GLRA3: variants seen among roughly 807,000 people sequenced by gnomAD.
The protein encoded by GLRA3 is glycine receptor alpha 3.
GLRA3 carries 44 observed loss-of-function variants against 60.4 expected under a neutral mutation model. That is an observed-to-expected ratio of 0.73 (90% CI 0.57 to 0.94). GLRA3 has a LOEUF of 0.94. GLRA3 is among the 40% of genes least tolerant of loss of function. The probability of loss-of-function intolerance (pLI) is 0.00; values close to 1 mark genes in which losing one functional copy is unlikely to be tolerated. For missense variants in GLRA3, 508 were observed against 564.6 expected, an observed-to-expected ratio of 0.90 and a Z score of 1.02; for synonymous variants, 223 against 192.9, an observed-to-expected ratio of 1.16 and a Z score of -1.29.
At chr4:174,646,883 T>G (rs921327864) in intron 9 of GLRA3, among the ~76,000 whole-genome samples, 14 of 152,172 alleles carry the variant, frequency 9.2e-5, no homozygotes, top group African/African-American at 2.7e-4. Flanking sequence ...TCAGATCCTT[T>G]GAGACTCAAT....
At chr4:174,732,578 G>C (rs928227327) in intron 3 of GLRA3, among the ~76,000 whole-genome samples, 7 of 151,968 alleles carry the variant, frequency 4.6e-5, no homozygotes, top group African/African-American at 1.7e-4. Flanking sequence ...TCCATTGGCA[G>C]AAAAATGCGT....
intron 5 of GLRA3, among the ~76,000 whole-genome samples, chr4:174,702,537 G>T (rs1413366912): frequency 6.6e-6 from 1 of 151,576 alleles, no homozygotes; most frequent in East Asian, 1.9e-4. Flanking sequence ...GATACTATTG[G>T]TGAGTTAGAA....
At chr4:174,707,218 G>A (rs1393677969) in intron 5 of GLRA3, among the ~76,000 whole-genome samples, 4 of 152,144 alleles carry the variant, frequency 2.6e-5, no homozygotes, top group Non-Finnish European at 5.9e-5. Context: ...TTTCAGTCCT[G>A]TCCTTCTGGG....
At chr4:174,721,502 A>G (rs1736127751) in intron 4 of GLRA3, among the ~76,000 whole-genome samples, 1 of 151,432 alleles carries the variant, frequency 6.6e-6, no homozygotes, top group Non-Finnish European at 1.5e-5. Flanking sequence ...ACAAGTAATA[A>G]TTATGTTACA....
At chr4:174,687,858 A>C (rs1403722978) in intron 5 of GLRA3, among the ~76,000 whole-genome samples, 7 of 152,190 alleles carry the variant, frequency 4.6e-5, no homozygotes. Context: ...GCATACATGA[A>C]AGACCCATTC....
intron 5 of GLRA3, among the ~76,000 whole-genome samples, chr4:174,698,968 G>A (rs1337403304): frequency 1.3e-5 from 2 of 151,130 alleles, no homozygotes; most frequent in Non-Finnish European, 2.9e-5. Context: ...AAGCCACATT[G>A]TTCCTCTCAG....
intron 1 of GLRA3, among the ~76,000 whole-genome samples, chr4:174,801,866 T>C (rs922779961): frequency 5.9e-5 from 9 of 152,166 alleles, no homozygotes; most frequent in Non-Finnish European, 1.3e-4. Flanking sequence ...GTAGCACTTG[T>C]TGCAATTGTA....
At position 174,683,770 on chromosome 4, in the gene GLRA3, T is replaced by G. The variant is rs149266085; in HGVS notation, c.575-831A>C. On this transcript the variant is annotated intron_variant, in intron 5 of 9. Coordinates refer to ENST00000274093, the MANE Select transcript of GLRA3 (RefSeq NM_006529.4). ...GCTGTGTTTTGAATCTCTCCAGAGT[T>G]GCATGTAGATAGCATTTATTTCTGT... Among the ~76,000 whole-genome samples, 673 of 152,304 alleles carry G rather than the reference T, an allele frequency of 4.4e-3. 2 individuals are homozygous for G. Among genetic ancestry groups the G allele is most frequent in the African/African-American group, 0.016 (648 of 41,580 alleles).
intron 5 of GLRA3, among the ~76,000 whole-genome samples, chr4:174,708,552 A>G (rs1038386668): frequency 4.1e-5 from 6 of 146,030 alleles, no homozygotes; most frequent in Non-Finnish European, 7.5e-5. Context: ...TCACTGAGTC[A>G]TTTTCTTATA....
At chr4:174,667,817 A>T (rs1733738344) in intron 7 of GLRA3, among the ~76,000 whole-genome samples, 1 of 152,044 alleles carries the variant, frequency 6.6e-6, no homozygotes, top group South Asian at 2.1e-4. Context: ...ATTATACCAG[A>T]CCACTTTGTT....
chr4:174,666,739 AATATATATATATATATATATT>A (rs1438102335), intron 7 of GLRA3, among the ~76,000 whole-genome samples: 1 of 134,170 alleles, frequency 7.5e-6, no homozygotes, highest in Non-Finnish European at 1.6e-5. Flanking sequence ...CTCAAATAAG[AATATATATATATATATATATT>A]ATATATATAT....
At chr4:174,723,877 T>G (rs1736219626) in intron 4 of GLRA3, among the ~76,000 whole-genome samples, 1 of 151,972 alleles carries the variant, frequency 6.6e-6, no homozygotes, top group African/African-American at 2.4e-5. Flanking sequence ...TAACTTGTTA[T>G]GAAAAATTCA....
chr4:174,824,765 A>G (rs948034807), intron 1 of GLRA3, among the ~76,000 whole-genome samples: 12 of 152,092 alleles, frequency 7.9e-5, no homozygotes, highest in African/African-American at 2.7e-4. Flanking sequence ...GCTTCCTTAT[A>G]TTCCCTAAAA....
At chr4:174,691,785 C>T (rs1388966709) in intron 5 of GLRA3, among the ~76,000 whole-genome samples, 1 of 152,146 alleles carries the variant, frequency 6.6e-6, no homozygotes, top group Non-Finnish European at 1.5e-5. Context: ...CCCAAAGTGC[C>T]AAGATTGCAG....
intron 8 of GLRA3, 108 bp downstream of exon 8, chr4:174,658,946 T>C: frequency 1.1e-6 from 1 of 916,000 alleles, no homozygotes; most frequent in Non-Finnish European, 1.7e-6. Flanking sequence ...TATTATATCA[T>C]TTCATCCCCA....
At chr4:174,680,909 G>A (rs1734317524) in intron 6 of GLRA3, among the ~76,000 whole-genome samples, 1 of 152,100 alleles carries the variant, frequency 6.6e-6, no homozygotes, top group Non-Finnish European at 1.5e-5. Flanking sequence ...CAACATAAAA[G>A]GTATATGTGG....
At chr4:174,772,690 G>A (rs2111252359) in intron 2 of GLRA3, among the ~76,000 whole-genome samples, 1 of 152,232 alleles carries the variant, frequency 6.6e-6, no homozygotes, top group East Asian at 1.9e-4. Context: ...GTAATAACAA[G>A]GTATTTGGGA....
At chr4:174,788,590 T>TAAAAAAAAAAAAAA (rs35640897) in intron 2 of GLRA3, among the ~76,000 whole-genome samples, 1 of 87,874 alleles carries the variant, frequency 1.1e-5, no homozygotes, top group Non-Finnish European at 2.2e-5. Context: ...GTTAGAGAAG[T>TAAAAAAAAAAAAAA]AAAAAAAAAA....
intron 7 of GLRA3, among the ~76,000 whole-genome samples, chr4:174,668,902 G>A (rs1410446812): frequency 1.3e-5 from 2 of 152,088 alleles, no homozygotes; most frequent in Non-Finnish European, 2.9e-5. Context: ...AGGGTAATTG[G>A]TTCTTCCTTT....
Sources: gnomAD v4.1 joint callset for allele counts (sites outside exome capture counted in the v4.1 genomes callset) on GRCh38, gnomAD v4.1.1 for gene constraint, MANE v1.5 for transcripts, NCBI Gene and HGNC (gene_info 2026-07-23, HGNC 2026-07-21) for gene names.